ANPEP: variants seen among roughly 807,000 people sequenced by gnomAD.
ANPEP encodes the protein aminopeptidase N.
Under a neutral mutation model 114.6 loss-of-function variants are expected in ANPEP, and 70 were observed. That is an observed-to-expected ratio of 0.61 (90% confidence interval 0.50 to 0.75). The LOEUF is 0.75. Among genes scored for constraint, ANPEP ranks in the 30% least tolerant of loss-of-function variants. ANPEP has a pLI of 0.00. For missense variants in ANPEP, 1,184 were observed against 1,259.5 expected, an observed-to-expected ratio of 0.94 and a Z score of 0.91; for synonymous variants, 548 against 522.3, an observed-to-expected ratio of 1.05 and a Z score of -0.67.
chr15:89,812,669 A>C (rs1277596362), intron 1 of ANPEP, among the ~76,000 whole-genome samples: 8 of 151,954 alleles, frequency 5.3e-5, no homozygotes, highest in Non-Finnish European at 8.8e-5. Context: ...CTGGTGAGAC[A>C]CATGGTAGGT....
At position 89,806,502 on chromosome 15, in the gene ANPEP, C is replaced by A. The variant is rs774040882; in HGVS notation, c.82G>T (p.Ala28Ser). Residue 28 changes from alanine to serine, a missense_variant, in exon 2 of 21, where the codon GCA becomes TCA. Ala to Ser is a moderately conservative substitution (Grantham distance 99, BLOSUM62 1). Transcript: ENST00000300060. This position sits in a 1 kb window ranked among gnomAD's most constrained non-coding sequence, Gnocchi z 5.7. The stretch of plus-strand genomic sequence containing the variant: ...TCCTGGGAGTACACCACTGACAGTG[C>A]GATGATTGTGCACACGGCTGCCACG... The part of the protein sequence containing the change: ...LGVAAVCTII[A>S]LSVVYSQEKN... 1 of 1,613,962 alleles carries A rather than the reference C, an allele frequency of 6.2e-7. No homozygotes were observed. Among genetic ancestry groups the A allele is most frequent in the Non-Finnish European group, 8.5e-7 (1 of 1,179,920 alleles).
intron 1 of ANPEP, among the ~76,000 whole-genome samples, chr15:89,810,195 T>C (rs1894792636): frequency 6.6e-6 from 1 of 151,968 alleles, no homozygotes; most frequent in African/African-American, 2.4e-5. Context: ...CTGGCCAACA[T>C]GGTGAAACCT....
chr15:89,812,211 C>T (rs1390938772), intron 1 of ANPEP, among the ~76,000 whole-genome samples: 2 of 152,254 alleles, frequency 1.3e-5, no homozygotes, highest in South Asian at 4.1e-4. Context: ...GCTCCATCCC[C>T]GACCACTGGG....
chr15:89,788,232 C>T (rs1384509181), intron 20 of ANPEP, among the ~76,000 whole-genome samples: 3 of 152,168 alleles, frequency 2.0e-5, no homozygotes, highest in Admixed American at 6.5e-5. Flanking sequence ...CCCAAATGCC[C>T]ATCAATGATG....
At chr15:89,810,014 A>C (rs933302868) in intron 1 of ANPEP, among the ~76,000 whole-genome samples, 2 of 152,046 alleles carry the variant, frequency 1.3e-5, no homozygotes, top group Non-Finnish European at 2.9e-5. Flanking sequence ...CTGCCTTATC[A>C]TGCACACCAG....
At chr15:89,790,238 AC>A (rs755521103) in intron 20 of ANPEP, among the ~76,000 whole-genome samples, 3 of 152,206 alleles carry the variant, frequency 2.0e-5, no homozygotes, top group Non-Finnish European at 4.4e-5. Context: ...GGTTCATTAT[AC>A]CACTCTTCCC....
chr15:89,806,448 C>T lies in ANPEP; in HGVS notation c.136G>A (p.Val46Met), dbSNP rs201493541. ...GAGGCGGACGGGGTGGTGGAGGCCA[C>T]GGGGGAGCTGTTGGCGTTCTTGTTC... The part of the protein sequence containing the change: ...EKNKNANSSP[V>M]ASTTPSASAT... Residue 46 changes from valine to methionine, a missense_variant, in exon 2 of 21, where the codon GTG becomes ATG. By Grantham distance (21) the Val-to-Met change is conservative (BLOSUM62 1). Coordinates refer to ENST00000300060, the MANE Select transcript of ANPEP (RefSeq NM_001150.3). The surrounding 1 kb of genome is among the most constrained non-coding windows in gnomAD (Gnocchi z 5.7). The T allele has an allele frequency of 1.3e-5, 21 of 1,614,000 alleles. No individual in the cohort carries two copies. Among genetic ancestry groups the T allele is most frequent in the East Asian group, 1.1e-4 (5 of 44,878 alleles).
rs750823580 is a variant in ANPEP at position 89,806,410 on chromosome 15, G to A, written c.174C>T (p.Asn58=). 1.7e-5 allele frequency: 28 copies of A among 1,613,968 alleles called. No individual in the cohort carries two copies. Among genetic ancestry groups the A allele is most frequent in the Non-Finnish European group, 2.4e-5 (28 of 1,179,994 alleles). ...STTPSASATT[N]PASATTLDQS... is the part of the protein sequence containing the mutation. ...GGTCCAAGGTGGTGGCCGAGGCGGG[G>A]TTGGTGGTGGCTGAGGCGGACGGGG... is the stretch of plus-strand genomic sequence containing the variant. Residue 58 remains asparagine, a synonymous_variant, in exon 2 of 21, where the codon AAC becomes AAT. Transcript: ENST00000300060. The surrounding 1 kb of genome is among the most constrained non-coding windows in gnomAD (Gnocchi z 5.7).
chr15:89,796,698 T>C (rs1484746015), intron 15 of ANPEP, among the ~76,000 whole-genome samples: 1 of 151,894 alleles, frequency 6.6e-6, no homozygotes, highest in Non-Finnish European at 1.5e-5. Context: ...GGTTTCACCG[T>C]GTTAGCCAGG....
intron 12 of ANPEP, among the ~76,000 whole-genome samples, chr15:89,800,727 AATTTTGT>A (rs1894571526): frequency 6.6e-6 from 1 of 151,698 alleles, no homozygotes; most frequent in African/African-American, 2.4e-5. Flanking sequence ...ACACCTGGCT[AATTTTGT>A]ATTTTTAGTA....
chr15:89,793,308 T>C, intron 15 of ANPEP, 182 bp from the exon 16 acceptor site: 2 of 537,110 alleles, frequency 3.7e-6, no homozygotes, highest in Non-Finnish European at 6.6e-6. Flanking sequence ...CTGAGCTGAG[T>C]TTCTTTCTGC....
intron 10 of ANPEP, 40 bp from the exon 11 acceptor site, chr15:89,801,647 C>G (rs1404692657): frequency 6.3e-7 from 1 of 1,596,734 alleles, no homozygotes; most frequent in African/African-American, 1.3e-5. Context: ...CAGTGGGACC[C>G]TCCAGTCCCT....
At chr15:89,807,570 C>T (rs199615994) in intron 1 of ANPEP, among the ~76,000 whole-genome samples, 22 of 152,186 alleles carry the variant, frequency 1.4e-4, no homozygotes, top group East Asian at 5.8e-4. Flanking sequence ...GGCGTGGTGG[C>T]GGGCGTCTGT....
At chr15:89,804,715 T>G in intron 4 of ANPEP, 98 bp from the exon 5 acceptor site, 1 of 1,510,620 alleles carries the variant, frequency 6.6e-7, no homozygotes, top group Non-Finnish European at 8.9e-7. Flanking sequence ...GGATCCCTGA[T>G]GGGCCAGGGC....
intron 3 of ANPEP, 47 bp downstream of exon 3, chr15:89,805,274 A>G: frequency 6.2e-7 from 1 of 1,612,992 alleles, no homozygotes; most frequent in Non-Finnish European, 8.5e-7. Flanking sequence ...ACCCCAGCCC[A>G]GGGTGCCTGC....
intron 14 of ANPEP, among the ~76,000 whole-genome samples, 192 bp from the exon 15 acceptor site, chr15:89,797,914 T>C (rs752080804): frequency 1.7e-4 from 26 of 152,250 alleles, no homozygotes; most frequent in Non-Finnish European, 2.2e-4. Context: ...ACATGGCTGC[T>C]GGGTGGTGCC....
rs1272911727 is a variant in ANPEP, at chr15:89,799,871, CCA to C, written c.1820-314_1820-313del. Among the ~76,000 whole-genome samples the C allele has an allele frequency of 5.9e-5, 9 of 152,314 alleles. No homozygotes were observed. The East Asian group carries it at 1.7e-3, about 29-fold the overall frequency. Reference sequence around the variant, plus strand: ...GGCTGTTCCTCCTCCTTGCCCTCCTCCACACTCCATCACACCTGTCACCCAAG... The same window carrying C: ...GGCTGTTCCTCCTCCTTGCCCTCCTCCACTCCATCACACCTGTCACCCAAG... On this transcript the variant is annotated intron_variant, in intron 12 of 20. Transcript: ENST00000300060. The surrounding 1 kb of genome is among the most constrained non-coding windows in gnomAD (Gnocchi z 4.2).
At position 89,805,192 on chromosome 15, in the gene ANPEP, G is replaced by A. The variant is rs1894683712; in HGVS notation, c.783C>T (p.Asp261=). Residue 261 remains aspartate (D), a synonymous_variant, in exon 4 of 21, where the codon GAC becomes GAT. Coordinates refer to ENST00000300060, the MANE Select transcript of ANPEP (RefSeq NM_001150.3). ...GGAACTCAGTGACATTCCAGTTGGG[G>A]TCTTCTGGAAGTGGGGTGCTGGGAC... The part of the protein sequence containing the change: ...PKGPSTPLPE[D]PNWNVTEFHT... The A allele has an allele frequency of 3.1e-6, 5 of 1,614,098 alleles. No homozygotes were observed. The highest frequency in any genetic ancestry group is 4.2e-6 in the Non-Finnish European group (5 of 1,180,054).
chr15:89,805,748 G>T (rs72754570), intron 2 of ANPEP, among the ~76,000 whole-genome samples: 4 of 152,028 alleles, frequency 2.6e-5, no homozygotes, highest in African/African-American at 4.8e-5. Flanking sequence ...TCCAAGGGAC[G>T]CTCTGTCCCT....
Sources: gnomAD v4.1 joint callset for allele counts (sites outside exome capture counted in the v4.1 genomes callset) on GRCh38, gnomAD v4.1.1 for gene constraint, Gnocchi (gnomAD v3.1) non-coding constraint, MANE v1.5 for transcripts, NCBI Gene and HGNC (gene_info 2026-07-23, HGNC 2026-07-21) for gene names.